ZNF257: variants seen among roughly 807,000 people sequenced by gnomAD.
ZNF257 encodes bone marrow zinc finger 4.
Under a neutral mutation model 11.9 loss-of-function variants are expected in ZNF257, and 12 were observed. The observed-to-expected ratio is 1.01, with a 90% CI of 0.65 to 1.63. ZNF257 has a LOEUF of 1.63. Among genes scored for constraint, ZNF257 ranks in the 40% most tolerant of loss-of-function variants. ZNF257 has a pLI of 0.00. For synonymous variants in ZNF257, 183 were observed against 222.7 expected (o/e 0.82, Z 1.59); for missense variants, 580 against 665.5 (o/e 0.87, Z 1.41).
chr19:22,059,827 ATCC>A (rs1365121922), intron 1 of ZNF257, among the ~76,000 whole-genome samples: 1 of 151,882 alleles, frequency 6.6e-6, no homozygotes, highest in East Asian at 1.9e-4. Flanking sequence ...AGCTTAAGCA[ATCC>A]TCCTACCTCA....
chr19:22,079,363 T>C (rs919136242), intron 3 of ZNF257, among the ~76,000 whole-genome samples: 5 of 152,168 alleles, frequency 3.3e-5, no homozygotes, highest in Admixed American at 6.5e-5. Context: ...TTTAAACTTT[T>C]ACACAAGATT....
chr19:22,084,270 A>C (rs1348365601), intron 3 of ZNF257, among the ~76,000 whole-genome samples: 1 of 152,178 alleles, frequency 6.6e-6, no homozygotes, highest in Non-Finnish European at 1.5e-5. Flanking sequence ...TGCTACAATT[A>C]TTATGGGTAT....
chr19:22,073,362 C>T, intron 2 of ZNF257, 107 bp from the exon 3 acceptor site: 2 of 1,241,428 alleles, frequency 1.6e-6, no homozygotes, highest in Non-Finnish European at 2.2e-6. Context: ...AGTATTTTGG[C>T]ATAAATGTAT....
chr19:22,056,297 A>G (rs2021637351), intron 1 of ZNF257, among the ~76,000 whole-genome samples: 1 of 151,998 alleles, frequency 6.6e-6, no homozygotes, highest in South Asian at 2.1e-4. Context: ...GCCCGCCACT[A>G]TGCTGGCTAA....
intron 1 of ZNF257, among the ~76,000 whole-genome samples, chr19:22,072,496 CA>C (rs2022126655): frequency 1.4e-5 from 2 of 138,664 alleles, no homozygotes; most frequent in African/African-American, 6.9e-5. Context: ...AAACTCAAAA[CA>C]AAACAAAAAA....
chr19:22,072,994 A>ATTT (rs200588824), intron 2 of ZNF257, 59 bp downstream of exon 2: 29 of 1,174,130 alleles, frequency 2.5e-5, no homozygotes, highest in African/African-American at 7.5e-5. Context: ...TTTTTTATTT[A>ATTT]TTTTTTTTTT....
intron 1 of ZNF257, among the ~76,000 whole-genome samples, chr19:22,056,012 A>C (rs1206637301): frequency 6.8e-6 from 1 of 147,920 alleles, no homozygotes. Flanking sequence ...CCGAGATCGC[A>C]CCACTGCACT....
chr19:22,067,248 C>CTCTT (rs1231110960), intron 1 of ZNF257, among the ~76,000 whole-genome samples: 2 of 152,156 alleles, frequency 1.3e-5, no homozygotes, highest in Non-Finnish European at 2.9e-5. Context: ...CTTTCGTTGA[C>CTCTT]TCTTGTATCT....
chr19:22,070,851 AATTACT>A (rs1400946473), intron 1 of ZNF257, among the ~76,000 whole-genome samples: 1 of 152,124 alleles, frequency 6.6e-6, no homozygotes, highest in Non-Finnish European at 1.5e-5. Flanking sequence ...GTGGGCCCAA[AATTACT>A]AAGTGATTTG....
chr19:22,052,943 A>G (rs1971735824), intron 1 of ZNF257, among the ~76,000 whole-genome samples: 1 of 152,180 alleles, frequency 6.6e-6, no homozygotes, highest in Non-Finnish European at 1.5e-5. Context: ...GAGAGTCGTC[A>G]GGGGAGAATC....
chr19:22,076,580 C>G (rs2022227964), intron 3 of ZNF257, among the ~76,000 whole-genome samples: 1 of 152,056 alleles, frequency 6.6e-6, no homozygotes, highest in Non-Finnish European at 1.5e-5. Context: ...CTGTAGTTAT[C>G]TAGACAATTT....
chr19:22,075,484 G>A (rs908115893), intron 3 of ZNF257: 1 of 152,224 alleles, frequency 6.6e-6, no homozygotes. Context: ...GGCTGTAAAC[G>A]GGTGTCTTCC....
At chr19:22,087,899 G>GT (rs2022511271) in intron 3 of ZNF257, 78 bp from the exon 4 acceptor site, 1 of 1,334,252 alleles carries the variant, frequency 7.5e-7, no homozygotes. Flanking sequence ...AGTATATACA[G>GT]TTTTATAGGT....
Position 22,088,897 on chromosome 19 carries a change from C to T in ZNF257, c.1147C>T (p.Arg383Trp), listed in dbSNP as rs559375603. 1.2e-4 allele frequency: 196 copies of T among 1,611,624 alleles called. 3 individuals are homozygous for T. The South Asian group carries it at 1.7e-3, about 14-fold the overall frequency. Reference sequence around the variant, plus strand: ...TGAAGAGTGTGGAAAAGCCTTTAACCGGTCTTCACACCTTACTAAACATAA... The same window carrying T: ...TGAAGAGTGTGGAAAAGCCTTTAACTGGTCTTCACACCTTACTAAACATAA... ...KCEECGKAFN[R>W]SSHLTKHKRI... Residue 383 changes from arginine to tryptophan, a missense_variant, in exon 4 of 4, where the codon CGG becomes TGG. By Grantham distance (101) the Arg-to-Trp change is moderately radical. Coordinates refer to ENST00000594947, the MANE Select transcript of ZNF257 (RefSeq NM_033468.4).
rs564944482 is a variant in ZNF257, at chr19:22,089,575, C to A, written c.*133C>A. The A allele has an allele frequency of 4.2e-4, 617 of 1,466,130 alleles. 1 individual carries two copies. Among genetic ancestry groups the A allele is most frequent in the Middle Eastern group, 3.0e-3 (14 of 4,620 alleles). 90.8% of individuals were successfully genotyped at this position (1,466,130 alleles called of 1,614,324 possible). Reference sequence around the variant, plus strand: ...GAACGTGGCCTGGCTTTTAACAAATCCTCAACATTTACTAAGCATAAAATA... The same window carrying A: ...GAACGTGGCCTGGCTTTTAACAAATACTCAACATTTACTAAGCATAAAATA... On this transcript the variant is annotated 3_prime_UTR_variant, in exon 4 of 4. Transcript: ENST00000594947.
chr19:22,082,741 T>C (rs892608815), intron 3 of ZNF257, among the ~76,000 whole-genome samples: 1 of 152,186 alleles, frequency 6.6e-6, no homozygotes, highest in African/African-American at 2.4e-5. Context: ...CCAATAAGTA[T>C]TACATTCTAT....
rs757040451 is a variant in ZNF257, at chr19:22,089,326, C to T, written c.1576C>T (p.Arg526Cys). 1.4e-5 allele frequency: 22 copies of T among 1,613,066 alleles called. No individual in the cohort carries two copies. Among genetic ancestry groups the T allele is most frequent in the Non-Finnish European group, 1.6e-5 (19 of 1,179,742 alleles). Residue 526 changes from arginine to cysteine, a missense_variant, in exon 4 of 4, where the codon CGT (arginine) becomes TGT (cysteine). By Grantham distance (180) the Arg-to-Cys change is radical. Transcript: ENST00000594947. ...TGAAGAATGTGGCAAGCCTTTTAAT[C>T]GTTTCTCATACCTTACCGTACATAA... ...KCEECGKPFN[R>C]FSYLTVHKRI...
chr19:22,079,677 A>C (rs1484002978), intron 3 of ZNF257, among the ~76,000 whole-genome samples: 1 of 152,114 alleles, frequency 6.6e-6, no homozygotes, highest in Non-Finnish European at 1.5e-5. Context: ...CTCATGACAC[A>C]TGGGAATTGT....
intron 1 of ZNF257, among the ~76,000 whole-genome samples, chr19:22,055,270 C>T (rs560654808): frequency 2.6e-5 from 4 of 152,168 alleles, no homozygotes; most frequent in Non-Finnish European, 5.9e-5. Context: ...GCAGTGACAC[C>T]ATCTTGGCTC....
Sources: gnomAD v4.1 joint callset for allele counts (sites outside exome capture counted in the v4.1 genomes callset) on GRCh38, gnomAD v4.1.1 for gene constraint, MANE v1.5 for transcripts, NCBI Gene and HGNC (gene_info 2026-07-23, HGNC 2026-07-21) for gene names.